The following JAKMIP2 variants were observed in gnomAD, a reference collection of about 807,000 sequenced individuals.
JAKMIP2 encodes janus kinase and microtubule-interacting protein 2.
In JAKMIP2, 25 loss-of-function variants were observed where a neutral mutation model predicts 115.0. That is an observed-to-expected ratio of 0.22 (90% CI 0.16 to 0.30). JAKMIP2 has a LOEUF of 0.30. JAKMIP2 is among the 10% of genes least tolerant of loss of function. The pLI is 1.00. For missense variants in JAKMIP2, 642 were observed against 957.6 expected (o/e 0.67, Z 4.35); for synonymous variants, 334 against 343.6 (o/e 0.97, Z 0.31).
intron 1 of JAKMIP2, among the ~76,000 whole-genome samples, chr5:147,773,067 C>T (rs1041887742): frequency 6.6e-6 from 1 of 152,102 alleles, no homozygotes; most frequent in Non-Finnish European, 1.5e-5. Context: ...GGAAGGTCAG[C>T]GCTAACGCAT....
chr5:147,745,865 T>A (rs974668162), intron 1 of JAKMIP2, among the ~76,000 whole-genome samples: 1 of 152,178 alleles, frequency 6.6e-6, no homozygotes, highest in African/African-American at 2.4e-5. Flanking sequence ...AGATTCTTCA[T>A]CCATAAAATT....
chr5:147,725,413 G>A (rs1160856085), intron 1 of JAKMIP2, among the ~76,000 whole-genome samples: 1 of 152,024 alleles, frequency 6.6e-6, no homozygotes, highest in East Asian at 1.9e-4. Context: ...TTACTCTGTG[G>A]ACTCATCCCG....
intron 1 of JAKMIP2, among the ~76,000 whole-genome samples, chr5:147,737,166 A>G (rs1489958874): frequency 1.3e-5 from 2 of 152,224 alleles, no homozygotes; most frequent in Admixed American, 1.3e-4. Flanking sequence ...TTTAATGTCA[A>G]AATGTCTCTT....
chr5:147,605,847 T>G (rs1309293130), intron 20 of JAKMIP2, among the ~76,000 whole-genome samples: 1 of 152,212 alleles, frequency 6.6e-6, no homozygotes, highest in African/African-American at 2.4e-5. Context: ...CAGCATCTAT[T>G]GTTTCCTGAC....
chr5:147,657,334 C>A (rs1156898805), intron 3 of JAKMIP2, among the ~76,000 whole-genome samples: 1 of 152,196 alleles, frequency 6.6e-6, no homozygotes, highest in Non-Finnish European at 1.5e-5. Context: ...TTGGCCCCTA[C>A]TCTCTTCTGG....
chr5:147,627,061 T>G (rs1757128164), intron 16 of JAKMIP2, among the ~76,000 whole-genome samples: 1 of 152,156 alleles, frequency 6.6e-6, no homozygotes, highest in Non-Finnish European at 1.5e-5. Flanking sequence ...TGTGCTGGAC[T>G]AGTGTGAAAA....
chr5:147,636,088 G>T, intron 12 of JAKMIP2, 134 bp downstream of exon 12: 1 of 667,412 alleles, frequency 1.5e-6, no homozygotes, highest in Non-Finnish European at 2.6e-6. Flanking sequence ...TGAGCACGCA[G>T]CCGAGGACAG....
chr5:147,616,997 A>G (rs1756619330), intron 19 of JAKMIP2, among the ~76,000 whole-genome samples: 1 of 152,154 alleles, frequency 6.6e-6, no homozygotes, highest in African/African-American at 2.4e-5. Flanking sequence ...ATTTTGTACC[A>G]GTTGTTTCTT....
At chr5:147,632,192 C>CT (rs1757392131) in intron 13 of JAKMIP2, among the ~76,000 whole-genome samples, 1 of 151,788 alleles carries the variant, frequency 6.6e-6, no homozygotes, top group Non-Finnish European at 1.5e-5. Context: ...GCTTCTTAGT[C>CT]TTTTTTTTCA....
At chr5:147,760,437 T>C (rs1411706940) in intron 1 of JAKMIP2, among the ~76,000 whole-genome samples, 1 of 149,316 alleles carries the variant, frequency 6.7e-6, no homozygotes, top group Non-Finnish European at 1.5e-5. Flanking sequence ...AGTGTGTAGT[T>C]ATCAAAACCA....
intron 1 of JAKMIP2, among the ~76,000 whole-genome samples, chr5:147,694,527 G>T (rs1173663123): frequency 6.6e-6 from 1 of 152,120 alleles, no homozygotes; most frequent in Non-Finnish European, 1.5e-5. Flanking sequence ...AAATTGATAG[G>T]CTATGCTTGT....
intron 1 of JAKMIP2, among the ~76,000 whole-genome samples, chr5:147,768,149 T>A (rs1755219062): frequency 6.6e-6 from 1 of 152,190 alleles, no homozygotes; most frequent in Admixed American, 6.5e-5. Flanking sequence ...TGATTGATGT[T>A]CTTAAGTTTT....
intron 20 of JAKMIP2, chr5:147,612,052 G>A: frequency 1.5e-6 from 1 of 647,834 alleles, no homozygotes; most frequent in Non-Finnish European, 2.9e-6. Flanking sequence ...TAAGGAAGGG[G>A]AAACTAAGGA....
intron 1 of JAKMIP2, among the ~76,000 whole-genome samples, chr5:147,689,091 G>T (rs979267355): frequency 6.6e-6 from 1 of 150,602 alleles, no homozygotes; most frequent in Middle Eastern, 3.4e-3. Flanking sequence ...GCTGATGCCT[G>T]GGGGGGAAAG....
intron 1 of JAKMIP2, among the ~76,000 whole-genome samples, chr5:147,730,899 T>C (rs1283857972): frequency 2.6e-5 from 4 of 152,198 alleles, no homozygotes; most frequent in Non-Finnish European, 5.9e-5. Flanking sequence ...CATGCTGTAT[T>C]AGGAGGTGAG....
At chr5:147,683,496 A>C (rs1246520484) in intron 1 of JAKMIP2, among the ~76,000 whole-genome samples, 1 of 152,180 alleles carries the variant, frequency 6.6e-6, no homozygotes, top group Non-Finnish European at 1.5e-5. Flanking sequence ...TGTCTTAAAA[A>C]CAAAACAAAA....
At chr5:147,744,644 G>A (rs1197975056) in intron 1 of JAKMIP2, among the ~76,000 whole-genome samples, 1 of 152,148 alleles carries the variant, frequency 6.6e-6, no homozygotes, top group Non-Finnish European at 1.5e-5. Context: ...ACTATAAGCT[G>A]TTTAATGGTA....
intron 3 of JAKMIP2, among the ~76,000 whole-genome samples, chr5:147,659,249 A>G (rs1235577220): frequency 3.9e-5 from 6 of 152,164 alleles, no homozygotes; most frequent in Non-Finnish European, 8.8e-5. Context: ...TTGGGCAGGT[A>G]GCACAGTCTG....
intron 1 of JAKMIP2, among the ~76,000 whole-genome samples, chr5:147,773,163 G>A (rs192174537): frequency 1.6e-4 from 25 of 152,264 alleles, no homozygotes; most frequent in Admixed American, 1.3e-3. Context: ...GAGTAAAGAT[G>A]AGTCAGCATC....
Sources: allele counts gnomAD v4.1 joint callset (sites outside exome capture counted in the v4.1 genomes callset), GRCh38; gene constraint gnomAD v4.1.1; transcripts MANE v1.5; gene names NCBI Gene and HGNC (gene_info 2026-07-23, HGNC 2026-07-21).